The following PALD1 variants were observed in gnomAD, a reference collection of about 807,000 sequenced individuals.
PALD1 encodes paladin.
In PALD1, 57 loss-of-function variants were observed where a neutral mutation model predicts 96.0. The observed-to-expected ratio is 0.59, with a 90% CI of 0.48 to 0.74. PALD1 has a LOEUF of 0.74. PALD1 is among the 30% of genes least tolerant of loss of function. PALD1 has a pLI of 0.00. For synonymous variants in PALD1, 464 were observed against 473.6 expected (o/e 0.98, Z 0.26); for missense variants, 1,063 against 1,143.7 (o/e 0.93, Z 1.02).
At chr10:70,557,517 T>C (rs536339809) in intron 18 of PALD1, among the ~76,000 whole-genome samples, 1 of 152,350 alleles carries the variant, frequency 6.6e-6, no homozygotes, top group East Asian at 1.9e-4. Flanking sequence ...AAATATGATG[T>C]CACCTTTGGA....
chr10:70,471,102 G>A, the PALD1 span, among the ~76,000 whole-genome samples: 2 of 152,058 alleles, frequency 1.3e-5, no homozygotes, highest in East Asian at 1.9e-4. Context: ...GATTATAGGC[G>A]TGAGCCACCG....
chr10:70,567,924 G>A lies in PALD1; in HGVS notation c.*1191G>A, dbSNP rs570415508. On this transcript the variant is annotated 3_prime_UTR_variant, in exon 20 of 20. Coordinates refer to ENST00000263563, the MANE Select transcript of PALD1 (RefSeq NM_014431.3). ...TGAAACCCAGGAGCTGAACAGTGAG[G>A]AGGCTGTCCACCTTGCTTGGCTCAC... The A allele has an allele frequency of 1.3e-5, 2 of 152,238 alleles. No homozygotes were observed. Among genetic ancestry groups the A allele is most frequent in the East Asian group, 3.9e-4 (2 of 5,176 alleles). The allele number at this position is 152,238 out of a possible 1,614,324, so 9.4% of individuals were successfully genotyped here. A position where few individuals can be genotyped will look rare whatever the true frequency, so the allele number is the denominator to read the frequency against.
chr10:70,477,501 G>A (rs576315547), upstream of PALD1, among the ~76,000 whole-genome samples: 191 of 152,342 alleles, frequency 1.3e-3, no homozygotes, highest in African/African-American at 4.5e-3. Flanking sequence ...CACCTTGGGT[G>A]GCGCAGGAGC....
chr10:70,554,636 C>A (rs1005315364), intron 18 of PALD1, among the ~76,000 whole-genome samples: 1 of 152,006 alleles, frequency 6.6e-6, no homozygotes, highest in Non-Finnish European at 1.5e-5. Flanking sequence ...ATATTTATGA[C>A]AAAAACCAAA....
intron 1 of PALD1, among the ~76,000 whole-genome samples, chr10:70,482,709 C>G (rs1489141477): frequency 1.3e-5 from 2 of 152,082 alleles, no homozygotes; most frequent in East Asian, 3.9e-4. Flanking sequence ...TGCTCCCTCC[C>G]TCATTAGCCA....
intron 18 of PALD1, 35 bp downstream of exon 18, chr10:70,547,481 C>CCCCCCCCCCCCCAAAA: frequency 6.9e-7 from 1 of 1,441,556 alleles, no homozygotes; most frequent in East Asian, 2.5e-5. Context: ...CACCCTGCCC[C>CCCCCCCCCCCCCAAAA]AGCCACCCTT....
intron 18 of PALD1, among the ~76,000 whole-genome samples, chr10:70,554,913 T>TCCA (rs1847562226): frequency 7.1e-5 from 1 of 14,014 alleles, no homozygotes; most frequent in Non-Finnish European, 1.3e-4. Flanking sequence ...TCCCCTCCCC[T>TCCA]CTCCTCCCCT....
intron 1 of PALD1, among the ~76,000 whole-genome samples, chr10:70,486,630 G>A (rs1459245662): frequency 6.6e-6 from 1 of 152,060 alleles, no homozygotes; most frequent in Non-Finnish European, 1.5e-5. Flanking sequence ...GTGTGGTGGT[G>A]GGTGCCTGTA....
chr10:70,486,860 C>G (rs775626157), intron 1 of PALD1, among the ~76,000 whole-genome samples: 1 of 152,216 alleles, frequency 6.6e-6, no homozygotes, highest in Admixed American at 6.5e-5. Context: ...TCCCTCCCTT[C>G]CTCCCGAGGC....
upstream of PALD1, among the ~76,000 whole-genome samples, chr10:70,476,487 G>C (rs901498080): frequency 1.3e-5 from 2 of 152,212 alleles, no homozygotes; most frequent in African/African-American, 4.8e-5. Context: ...ATTCTGAGTA[G>C]GGACTTGGCA....
At chr10:70,460,763 T>C in the PALD1 span, among the ~76,000 whole-genome samples, 3 of 152,230 alleles carry the variant, frequency 2.0e-5, no homozygotes, top group South Asian at 2.1e-4. Context: ...TAGGATGAAA[T>C]ACAAGCTCCA....
intron 18 of PALD1, among the ~76,000 whole-genome samples, chr10:70,563,105 A>G (rs965946064): frequency 2.0e-5 from 3 of 152,102 alleles, no homozygotes; most frequent in South Asian, 2.1e-4. Context: ...TGAGATTCTC[A>G]TTGGATTTTT....
Position 70,533,090 on chromosome 10 carries a change from G to T in PALD1, c.870+20G>T. 1 of 1,558,686 alleles carries T rather than the reference G, an allele frequency of 6.4e-7. No individual in the cohort carries two copies. Among genetic ancestry groups the T allele is most frequent in the Non-Finnish European group, 8.7e-7 (1 of 1,149,344 alleles). ...CTCCGGGTAACTGGGGCACGGGCGC[G>T]CATGGGGGAGGAGTCTTGAGAGTCG... On this transcript the variant is annotated intron_variant, in intron 7 of 19. Transcript: ENST00000263563.
chr10:70,560,133 C>A (rs547361162), intron 18 of PALD1, among the ~76,000 whole-genome samples: 88 of 152,298 alleles, frequency 5.8e-4, no homozygotes, highest in African/African-American at 2.0e-3. Context: ...AAAGGTTCAG[C>A]CTGAGGGCAG....
At chr10:70,465,499 T>C in the PALD1 span, among the ~76,000 whole-genome samples, 2 of 152,166 alleles carry the variant, frequency 1.3e-5, no homozygotes, top group African/African-American at 2.4e-5. Flanking sequence ...ACCTACTATA[T>C]ATCAGGTCCT....
chr10:70,466,247 CT>C, the PALD1 span, among the ~76,000 whole-genome samples: 38 of 149,122 alleles, frequency 2.5e-4, no homozygotes, highest in African/African-American at 7.4e-4. Context: ...CCATTTTAAC[CT>C]TTTTTTTTTC....
rs368165547 is a variant in PALD1, at chr10:70,563,946, A to G, written c.2263-418A>G. 3.3e-5 allele frequency among the ~76,000 whole-genome samples: 5 copies of G among 152,078 alleles called. No individual in the cohort carries two copies. In the East Asian group the frequency reaches 5.8e-4, roughly 18 times the overall value. ...AGAGAGGAGTGAAGCCTTTCCTCTG[A>G]TCCTTGGAGGATTGGGGGTTGGCAG... On this transcript the variant is annotated intron_variant, in intron 18 of 19. Transcript: ENST00000263563.
intron 1 of PALD1, among the ~76,000 whole-genome samples, chr10:70,513,854 G>T (rs954567113): frequency 2.0e-5 from 3 of 152,170 alleles, no homozygotes; most frequent in African/African-American, 4.8e-5. Flanking sequence ...GCTGGAAAAG[G>T]TCCTGAATTC....
At chr10:70,546,951 C>T (rs973103136) in intron 17 of PALD1, among the ~76,000 whole-genome samples, 6 of 150,876 alleles carry the variant, frequency 4.0e-5, no homozygotes, top group African/African-American at 1.2e-4. Context: ...ACTCTGTCTC[C>T]AAACAACAAC....
Sources: allele counts gnomAD v4.1 joint callset (sites outside exome capture counted in the v4.1 genomes callset), GRCh38; gene constraint gnomAD v4.1.1; transcripts MANE v1.5; gene names NCBI Gene and HGNC (gene_info 2026-07-23, HGNC 2026-07-21).